ANKS1B: variants seen among roughly 807,000 people sequenced by gnomAD.
The protein encoded by ANKS1B is ankyrin repeat and sterile alpha motif domain-containing protein 1B.
Under a neutral mutation model 148.3 loss-of-function variants are expected in ANKS1B, and 36 were observed. That is an observed-to-expected ratio of 0.24 (90% CI 0.19 to 0.32). ANKS1B has a LOEUF of 0.32. ANKS1B is among the 10% of genes least tolerant of loss of function. The pLI is 1.00. For missense variants in ANKS1B, 1,157 were observed against 1,542.6 expected, an observed-to-expected ratio of 0.75 and a Z score of 4.19; for synonymous variants, 542 against 560.8, an observed-to-expected ratio of 0.97 and a Z score of 0.47.
At chr12:99,345,326 T>C (rs1312802223) in intron 12 of ANKS1B, among the ~76,000 whole-genome samples, 2 of 152,140 alleles carry the variant, frequency 1.3e-5, no homozygotes, top group East Asian at 1.9e-4. Context: ...AGAGAAAATG[T>C]AGGGTCATTC....
At chr12:99,612,622 A>G (rs1220588533) in intron 9 of ANKS1B, among the ~76,000 whole-genome samples, 1 of 152,070 alleles carries the variant, frequency 6.6e-6, no homozygotes, top group African/African-American at 2.4e-5. Flanking sequence ...ACCTCATTTC[A>G]TTATGCTTAT....
chr12:99,667,848 A>C (rs1335044655), intron 8 of ANKS1B, among the ~76,000 whole-genome samples: 1 of 152,234 alleles, frequency 6.6e-6, no homozygotes, highest in African/African-American at 2.4e-5. Flanking sequence ...AAAATATATT[A>C]ATTGATTTTA....
At chr12:99,431,635 C>A (rs1594698473) in intron 11 of ANKS1B, among the ~76,000 whole-genome samples, 1 of 152,296 alleles carries the variant, frequency 6.6e-6, no homozygotes, top group Middle Eastern at 3.4e-3. Flanking sequence ...ATAAGAACAT[C>A]ACTTACAGAA....
At chr12:99,964,075 T>C (rs1376049871) in intron 1 of ANKS1B, among the ~76,000 whole-genome samples, 1 of 152,094 alleles carries the variant, frequency 6.6e-6, no homozygotes, top group Non-Finnish European at 1.5e-5. Context: ...ATATAAAGAT[T>C]TTCTGTCTCT....
At chr12:99,396,618 T>C (rs143486607) in intron 12 of ANKS1B, among the ~76,000 whole-genome samples, 14 of 152,316 alleles carry the variant, frequency 9.2e-5, no homozygotes, top group African/African-American at 3.4e-4. Context: ...ACATTTTGGA[T>C]GATGCCACTG....
intron 9 of ANKS1B, among the ~76,000 whole-genome samples, chr12:99,539,938 C>T (rs1229019188): frequency 6.6e-6 from 1 of 151,774 alleles, no homozygotes; most frequent in Admixed American, 6.6e-5. Context: ...TATTCAAAGA[C>T]ATTAATAGGT....
At position 98,833,751 on chromosome 12, in the gene ANKS1B, C is replaced by T. The variant is rs975865221; in HGVS notation, c.2779-1615G>A. Among the ~76,000 whole-genome samples the T allele has an allele frequency of 3.9e-5, 6 of 152,114 alleles. No homozygotes were observed. The South Asian group carries it at 1.2e-3, about 32-fold the overall frequency. The stretch of plus-strand genomic sequence containing the variant: ...CTCAGCCCTTCTTCCCTTCCTCCCT[C>T]CCCTCCTTTGTCGTCCCCAGTGTTC... On this transcript the variant is annotated intron_variant, in intron 17 of 26. Coordinates refer to ENST00000683438, the MANE Select transcript of ANKS1B (RefSeq NM_001352186.2).
intron 1 of ANKS1B, among the ~76,000 whole-genome samples, chr12:99,862,529 T>C (rs992886695): frequency 3.3e-5 from 5 of 152,360 alleles, no homozygotes; most frequent in East Asian, 3.9e-4. Context: ...AAGGCAAATA[T>C]GTTCTTAAAA....
intron 8 of ANKS1B, among the ~76,000 whole-genome samples, chr12:99,690,187 C>T (rs933626073): frequency 1.3e-5 from 2 of 152,114 alleles, no homozygotes; most frequent in Admixed American, 1.3e-4. Flanking sequence ...AAACCGCCGC[C>T]ATAATCTAAT....
intron 9 of ANKS1B, among the ~76,000 whole-genome samples, chr12:99,518,007 A>G (rs778658738): frequency 4.6e-5 from 7 of 152,176 alleles, no homozygotes; most frequent in Admixed American, 1.3e-4. Context: ...TTCTGTTGAT[A>G]TGATGTATTA....
At chr12:98,864,904 T>C (rs559204625) in intron 17 of ANKS1B, among the ~76,000 whole-genome samples, 21 of 152,344 alleles carry the variant, frequency 1.4e-4, no homozygotes, top group African/African-American at 4.1e-4. Context: ...ATCCCATTTA[T>C]GATATCCCTC....
At chr12:99,090,229 G>A (rs2053565563) in intron 15 of ANKS1B, among the ~76,000 whole-genome samples, 2 of 152,080 alleles carry the variant, frequency 1.3e-5, no homozygotes, top group Non-Finnish European at 2.9e-5. Flanking sequence ...CTGTACTGAT[G>A]GCTCTGTCTC....
At chr12:99,893,854 G>A (rs1164087740) in intron 1 of ANKS1B, among the ~76,000 whole-genome samples, 3 of 152,078 alleles carry the variant, frequency 2.0e-5, no homozygotes, top group Non-Finnish European at 4.4e-5. Flanking sequence ...ATTCCATGGT[G>A]AATATATACC....
At chr12:99,619,293 C>T (rs1355272568) in intron 9 of ANKS1B, among the ~76,000 whole-genome samples, 1 of 151,680 alleles carries the variant, frequency 6.6e-6, no homozygotes, top group Non-Finnish European at 1.5e-5. Flanking sequence ...CCTGAATCAG[C>T]AGCCTGAGCC....
Position 99,046,902 on chromosome 12 carries a change from AAC to A in ANKS1B, c.2778+6253_2778+6254del, listed in dbSNP as rs577982403. Among the ~76,000 whole-genome samples the A allele has an allele frequency of 1.1e-3, 165 of 152,300 alleles. 3 individuals are homozygous for A. The highest frequency in any genetic ancestry group is 9.2e-4 in the Admixed American group (14 of 15,290). On this transcript the variant is annotated intron_variant, in intron 17 of 26. Coordinates refer to ENST00000683438, the MANE Select transcript of ANKS1B (RefSeq NM_001352186.2). The stretch of plus-strand genomic sequence containing the variant: ...CGAGATAAAAAATACACTGCATAGT[AAC>A]AGTGACAGATTAGCTATTCTAAGAA...
intron 8 of ANKS1B, among the ~76,000 whole-genome samples, chr12:99,761,437 G>C (rs1174262114): frequency 2.0e-5 from 3 of 151,736 alleles, no homozygotes; most frequent in African/African-American, 7.3e-5. Flanking sequence ...AGATTTAAAA[G>C]CAAAATCAAT....
intron 4 of ANKS1B, among the ~76,000 whole-genome samples, chr12:99,805,264 A>C (rs978559264): frequency 4.3e-5 from 1 of 23,420 alleles, no homozygotes; most frequent in Non-Finnish European, 9.0e-5. Context: ...AGGAAAAGGC[A>C]AAAAAAAAAA....
At chr12:99,863,404 T>C (rs2153720958) in intron 1 of ANKS1B, among the ~76,000 whole-genome samples, 1 of 152,224 alleles carries the variant, frequency 6.6e-6, no homozygotes, top group South Asian at 2.1e-4. Flanking sequence ...GAGTTTTCCT[T>C]CTCTCTCTTC....
At chr12:98,926,406 T>A (rs2099808280) in intron 17 of ANKS1B, among the ~76,000 whole-genome samples, 1 of 152,020 alleles carries the variant, frequency 6.6e-6, no homozygotes, top group Non-Finnish European at 1.5e-5. Flanking sequence ...ACAACAGACC[T>A]TAGAGAGGAG....
Sources: gnomAD v4.1 joint callset for allele counts (sites outside exome capture counted in the v4.1 genomes callset) on GRCh38, gnomAD v4.1.1 for gene constraint, MANE v1.5 for transcripts, NCBI Gene and HGNC (gene_info 2026-07-23, HGNC 2026-07-21) for gene names.